The following CNTNAP2 variants were observed in gnomAD, a reference collection of about 807,000 sequenced individuals.
CNTNAP2 encodes the protein contactin-associated protein-like 2.
Under a neutral mutation model 155.2 loss-of-function variants are expected in CNTNAP2, and 98 were observed. The ratio of observed to expected loss-of-function variants is 0.63; its 90% CI spans 0.54 to 0.75. The LOEUF (loss-of-function observed/expected upper bound fraction) is 0.75. Ranked by LOEUF, CNTNAP2 falls within the 30% of genes least tolerant of loss-of-function variation. CNTNAP2 has a pLI of 0.00. For missense variants in CNTNAP2, 1,727 were observed against 1,688.1 expected (o/e 1.02, Z -0.40); for synonymous variants, 651 against 631.2 (o/e 1.03, Z -0.47).
intron 1 of CNTNAP2, among the ~76,000 whole-genome samples, chr7:146,351,388 T>C (rs954287823): frequency 1.3e-5 from 2 of 152,180 alleles, no homozygotes; most frequent in South Asian, 4.1e-4. Flanking sequence ...AAGAATTTGT[T>C]TGATGGGTTT....
intron 13 of CNTNAP2, among the ~76,000 whole-genome samples, chr7:147,824,693 A>G (rs575821344): frequency 1.7e-4 from 25 of 150,378 alleles, no homozygotes; most frequent in Non-Finnish European, 3.1e-4. Context: ...TTGTCCCAAA[A>G]CACAATATCA....
chr7:146,466,630 G>T (rs1203325608), intron 1 of CNTNAP2, among the ~76,000 whole-genome samples: 1 of 152,148 alleles, frequency 6.6e-6, no homozygotes, highest in Non-Finnish European at 1.5e-5. Flanking sequence ...AGTAGAAAAT[G>T]CTGATTTTGA....
chr7:146,242,442 G>A (rs984710160), intron 1 of CNTNAP2, among the ~76,000 whole-genome samples: 5 of 151,966 alleles, frequency 3.3e-5, no homozygotes, highest in Admixed American at 3.3e-4. Context: ...GGGAGGCTAA[G>A]GCAGGGGAAT....
intron 9 of CNTNAP2, among the ~76,000 whole-genome samples, chr7:147,354,253 GT>G (rs777324654): frequency 6.6e-5 from 10 of 152,050 alleles, no homozygotes; most frequent in Admixed American, 5.2e-4. Flanking sequence ...TTCGTCTAGG[GT>G]TTTTATGGTT....
chr7:146,914,319 G>C (rs1406774962), intron 3 of CNTNAP2, among the ~76,000 whole-genome samples: 4 of 151,890 alleles, frequency 2.6e-5, no homozygotes, highest in Non-Finnish European at 4.4e-5. Flanking sequence ...CCCAGGGCAC[G>C]ATTACTGGAT....
At chr7:147,302,056 G>A (rs118130350) in intron 9 of CNTNAP2, among the ~76,000 whole-genome samples, 1 of 152,240 alleles carries the variant, frequency 6.6e-6, no homozygotes, top group Non-Finnish European at 1.5e-5. Flanking sequence ...ATGAGTAGAC[G>A]AAAGTCAAAC....
At chr7:147,692,352 C>T (rs1796099431) in intron 13 of CNTNAP2, among the ~76,000 whole-genome samples, 2 of 152,000 alleles carry the variant, frequency 1.3e-5, no homozygotes, top group South Asian at 2.1e-4. Flanking sequence ...AAGTTTTCAC[C>T]TCCTTTGGGT....
At chr7:148,028,625 A>G (rs1416989486) in intron 15 of CNTNAP2, among the ~76,000 whole-genome samples, 1 of 152,198 alleles carries the variant, frequency 6.6e-6, no homozygotes, top group Non-Finnish European at 1.5e-5. Flanking sequence ...AGCCATTTAA[A>G]GCATTCTGTG....
At chr7:146,337,866 G>A (rs1033951985) in intron 1 of CNTNAP2, among the ~76,000 whole-genome samples, 2 of 152,180 alleles carry the variant, frequency 1.3e-5, no homozygotes, top group African/African-American at 2.4e-5. Context: ...ACACATAAAT[G>A]AGTTTGAAAT....
At chr7:147,810,390 A>G (rs1798160957) in intron 13 of CNTNAP2, among the ~76,000 whole-genome samples, 3 of 146,102 alleles carry the variant, frequency 2.1e-5, no homozygotes, top group South Asian at 4.2e-4. Context: ...TTTCTGTACT[A>G]AAAAAAACAG....
At chr7:146,362,885 C>T (rs1489221879) in intron 1 of CNTNAP2, among the ~76,000 whole-genome samples, 1 of 151,420 alleles carries the variant, frequency 6.6e-6, no homozygotes, top group Non-Finnish European at 1.5e-5. Context: ...ATTCTCCTGC[C>T]TCAGCCTCCC....
chr7:146,848,254 G>A (rs1207618643), intron 3 of CNTNAP2, among the ~76,000 whole-genome samples: 1 of 152,188 alleles, frequency 6.6e-6, no homozygotes, highest in Admixed American at 6.5e-5. Flanking sequence ...TCACGAGAAA[G>A]AGGAATAAGC....
chr7:146,893,618 C>G (rs1362262560), intron 3 of CNTNAP2, among the ~76,000 whole-genome samples: 1 of 151,996 alleles, frequency 6.6e-6, no homozygotes, highest in Non-Finnish European at 1.5e-5. Context: ...TTCATCTGTT[C>G]TAGCTTCCGG....
At chr7:148,029,413 A>T (rs978760872) in intron 15 of CNTNAP2, among the ~76,000 whole-genome samples, 1 of 152,208 alleles carries the variant, frequency 6.6e-6, no homozygotes, top group African/African-American at 2.4e-5. Flanking sequence ...CTCTTTTGTT[A>T]TACTTGCAGA....
intron 21 of CNTNAP2, among the ~76,000 whole-genome samples, chr7:148,326,668 C>T (rs1184737530): frequency 6.6e-6 from 1 of 151,948 alleles, no homozygotes; most frequent in East Asian, 1.9e-4. Flanking sequence ...AGATCGAGAC[C>T]ATCTTGGCCA....
rs370392494 is a variant in CNTNAP2, at chr7:146,606,913, T to C, written c.98-167358T>C. Among the ~76,000 whole-genome samples the C allele has an allele frequency of 2.2e-4, 33 of 152,290 alleles. No individual in the cohort carries two copies. The South Asian group carries it at 6.8e-3, about 32-fold the overall frequency. ...TAGCTCTGTTTGGCATTACAGAAAT[T>C]CACTGTGATCCTGCTGACAACTCTT... is the stretch of plus-strand genomic sequence containing the variant. On this transcript the variant is annotated intron_variant, in intron 1 of 23. Transcript: ENST00000361727.
At chr7:146,646,533 CAGT>C (rs1410039217) in intron 1 of CNTNAP2, among the ~76,000 whole-genome samples, 8 of 152,076 alleles carry the variant, frequency 5.3e-5, no homozygotes, top group African/African-American at 9.7e-5. Context: ...TATATACACA[CAGT>C]AGTTAAATAT....
chr7:148,293,078 TAAAA>T (rs1797217744), intron 21 of CNTNAP2, among the ~76,000 whole-genome samples: 1 of 134,440 alleles, frequency 7.4e-6, no homozygotes, highest in Non-Finnish European at 1.6e-5. Flanking sequence ...AAAAAATAAA[TAAAA>T]TAAAATAAAA....
intron 11 of CNTNAP2, among the ~76,000 whole-genome samples, chr7:147,531,310 C>T (rs1389639091): frequency 2.0e-5 from 3 of 152,232 alleles, no homozygotes; most frequent in Non-Finnish European, 2.9e-5. Flanking sequence ...ACTCCAACCC[C>T]ACATTTCCCT....
Sources: allele counts gnomAD v4.1 joint callset (sites outside exome capture counted in the v4.1 genomes callset), GRCh38; gene constraint gnomAD v4.1.1; transcripts MANE v1.5; gene names NCBI Gene and HGNC (gene_info 2026-07-23, HGNC 2026-07-21).